ANKRD27: variants seen among roughly 807,000 people sequenced by gnomAD.
ANKRD27 encodes ankyrin repeat domain 27.
In ANKRD27, 112 loss-of-function variants were observed where a neutral mutation model predicts 129.7. The ratio of observed to expected loss-of-function variants is 0.86; its 90% CI spans 0.74 to 1.01. The LOEUF (loss-of-function observed/expected upper bound fraction) is 1.01. Ranked by LOEUF, ANKRD27 falls within the 50% of genes least tolerant of loss-of-function variation. The probability of loss-of-function intolerance (pLI) is 0.00; values close to 1 mark genes in which losing one functional copy is unlikely to be tolerated. For synonymous variants in ANKRD27, 516 were observed against 511.2 expected (o/e 1.01, Z -0.13); for missense variants, 1,258 against 1,300.5 (o/e 0.97, Z 0.50).
chr19:32,645,224 C>G (rs1438324146), intron 4 of ANKRD27, among the ~76,000 whole-genome samples: 1 of 152,010 alleles, frequency 6.6e-6, no homozygotes, highest in Non-Finnish European at 1.5e-5. Flanking sequence ...CCATCCTGGC[C>G]AACATGGTGA....
At chr19:32,650,299 C>T (rs1351793746) in intron 2 of ANKRD27, among the ~76,000 whole-genome samples, 1 of 152,186 alleles carries the variant, frequency 6.6e-6, no homozygotes, top group Non-Finnish European at 1.5e-5. Context: ...TGCCTATAAT[C>T]GTAGCACTTT....
intron 12 of ANKRD27, among the ~76,000 whole-genome samples, chr19:32,633,203 G>C (rs911370903): frequency 4.4e-4 from 67 of 152,214 alleles, no homozygotes; most frequent in African/African-American, 1.6e-3. Context: ...AAGAGAGGGG[G>C]TATCAGCAAG....
chr19:32,619,502 A>T lies in ANKRD27; in HGVS notation c.1879T>A (p.Ser627Thr), dbSNP rs200779987. Residue 627 changes from serine (S) to threonine (T), a missense_variant, in exon 19 of 29, where the codon TCG (serine) becomes ACG (threonine). Physicochemically the swap from Ser to Thr is moderately conservative, Grantham distance 58. Transcript: ENST00000306065. ...CAGCCCGGCTGACTTACCTCGGACG[A>T]CTTCTGCCTCCTCTCGAAGGACAGG... The part of the protein sequence containing the change: ...YHLSFERRQK[S>T]SEAPVQSPQR... 21 of 1,613,964 alleles carry T rather than the reference A, an allele frequency of 1.3e-5. No individual in the cohort carries two copies. The Admixed American group carries it at 3.2e-4, about 24-fold the overall frequency.
intron 11 of ANKRD27, among the ~76,000 whole-genome samples, chr19:32,639,816 A>G (rs948252920): frequency 6.6e-6 from 1 of 152,208 alleles, no homozygotes; most frequent in Non-Finnish European, 1.5e-5. Context: ...ATTCCAGAAC[A>G]AGAAATGTAA....
chr19:32,630,880 C>G (rs1966980376), intron 13 of ANKRD27, among the ~76,000 whole-genome samples: 1 of 152,188 alleles, frequency 6.6e-6, no homozygotes. Flanking sequence ...GATCCTCCCA[C>G]TTCGGCCTCC....
At chr19:32,622,736 G>T in intron 17 of ANKRD27, 117 bp from the exon 18 acceptor site, 1 of 902,926 alleles carries the variant, frequency 1.1e-6, no homozygotes, top group Non-Finnish European at 1.8e-6. Flanking sequence ...ACTCAGAAGT[G>T]TCACAGTATC....
intron 12 of ANKRD27, among the ~76,000 whole-genome samples, chr19:32,634,807 T>C (rs959969455): frequency 2.0e-5 from 3 of 152,012 alleles, no homozygotes; most frequent in Non-Finnish European, 4.4e-5. Flanking sequence ...CCCAGGTACT[T>C]GGGAGGCTGA....
intron 12 of ANKRD27, chr19:32,639,147 C>T (rs1485906139): frequency 1.7e-6 from 1 of 587,504 alleles, no homozygotes; most frequent in Non-Finnish European, 3.0e-6. Flanking sequence ...AATGTAAATC[C>T]CAATGATAAC....
chr19:32,599,039 G>C (rs992507773), intron 28 of ANKRD27, among the ~76,000 whole-genome samples: 1 of 152,190 alleles, frequency 6.6e-6, no homozygotes, highest in African/African-American at 2.4e-5. Flanking sequence ...CAGCACACTG[G>C]GAGGCCAAAG....
chr19:32,609,674 G>A (rs546937059), intron 22 of ANKRD27, among the ~76,000 whole-genome samples: 5 of 140,360 alleles, frequency 3.6e-5, no homozygotes, highest in African/African-American at 7.6e-5. Flanking sequence ...GGGTCATAGT[G>A]GGGGGGAAGG....
intron 22 of ANKRD27, among the ~76,000 whole-genome samples, chr19:32,615,140 G>A (rs1028483935): frequency 9.9e-5 from 15 of 152,186 alleles, no homozygotes; most frequent in African/African-American, 3.6e-4. Context: ...CTAATCATGG[G>A]ACACATCTCT....
chr19:32,652,456 G>A (rs62124327), intron 2 of ANKRD27, among the ~76,000 whole-genome samples: 8,123 of 152,162 alleles, frequency 0.053, 376 homozygotes, highest in South Asian at 0.14. Context: ...AGCCAGGCGC[G>A]GTGGCAACCG....
chr19:32,661,541 CT>C (rs1335842806), intron 1 of ANKRD27, among the ~76,000 whole-genome samples: 1 of 152,022 alleles, frequency 6.6e-6, no homozygotes, highest in East Asian at 1.9e-4. Context: ...TGAGATTTTG[CT>C]GTGTTGCCCA....
At chr19:32,639,015 G>C in intron 12 of ANKRD27, 1 of 411,784 alleles carries the variant, frequency 2.4e-6, no homozygotes. Context: ...CGACAGTCCA[G>C]GGATCCCGTG....
intron 2 of ANKRD27, among the ~76,000 whole-genome samples, chr19:32,657,453 C>T (rs1182555905): frequency 6.9e-6 from 1 of 145,172 alleles, no homozygotes; most frequent in Non-Finnish European, 1.5e-5. Flanking sequence ...CAGAGCAAGG[C>T]TCTGTCTCAA....
At chr19:32,601,333 A>AT (rs1971650120) in intron 26 of ANKRD27, among the ~76,000 whole-genome samples, 1 of 151,402 alleles carries the variant, frequency 6.6e-6, no homozygotes, top group East Asian at 1.9e-4. Flanking sequence ...TTGGTGGCTC[A>AT]CACCTGTAAT....
At chr19:32,606,342 C>T (rs577204270) in intron 23 of ANKRD27, among the ~76,000 whole-genome samples, 12 of 152,022 alleles carry the variant, frequency 7.9e-5, no homozygotes, top group East Asian at 1.9e-4. Flanking sequence ...TCAGTAGAGA[C>T]GGGGTTTCAC....
At chr19:32,654,538 C>T (rs1967482794) in intron 2 of ANKRD27, among the ~76,000 whole-genome samples, 1 of 152,202 alleles carries the variant, frequency 6.6e-6, no homozygotes, top group Non-Finnish European at 1.5e-5. Context: ...AGGTGTGGGT[C>T]CATGTCCCTC....
chr19:32,654,733 C>T (rs1309407240), intron 2 of ANKRD27, among the ~76,000 whole-genome samples: 3 of 152,076 alleles, frequency 2.0e-5, no homozygotes, highest in African/African-American at 4.8e-5. Flanking sequence ...TTTAGAGGTG[C>T]AATCCCACTG....
Sources: allele counts gnomAD v4.1 joint callset (sites outside exome capture counted in the v4.1 genomes callset), GRCh38; gene constraint gnomAD v4.1.1; transcripts MANE v1.5; gene names NCBI Gene and HGNC (gene_info 2026-07-23, HGNC 2026-07-21).